The following CHSY1 variants were observed in gnomAD, a reference collection of about 807,000 sequenced individuals.
CHSY1 encodes the protein N-acetylgalactosaminyl-proteoglycan 3-beta-glucuronosyltransferase 1.
A neutral mutation model predicts 59.8 loss-of-function variants in CHSY1; 13 were observed. The observed-to-expected ratio is 0.22, with a 90% confidence interval of 0.14 to 0.35. CHSY1 has a LOEUF of 0.35. CHSY1 is among the 10% of genes least tolerant of loss of function. The pLI, the probability that CHSY1 is intolerant of heterozygous loss-of-function variation, is 1.00. For synonymous variants in CHSY1, 459 were observed against 401.2 expected (o/e 1.14, Z -1.72); for missense variants, 947 against 1,030.6 (o/e 0.92, Z 1.11).
intron 2 of CHSY1, among the ~76,000 whole-genome samples, chr15:101,228,911 T>C (rs1469538866): frequency 1.3e-5 from 2 of 152,350 alleles, no homozygotes; most frequent in African/African-American, 2.4e-5. Context: ...TAAATCTCTG[T>C]TGACTGGCAT....
intron 2 of CHSY1, among the ~76,000 whole-genome samples, chr15:101,179,685 T>G (rs1438344010): frequency 2.0e-5 from 3 of 152,220 alleles, no homozygotes; most frequent in Non-Finnish European, 2.9e-5. Flanking sequence ...GCACGGGGTC[T>G]CCGGCACCAG....
At position 101,251,306 on chromosome 15, in the gene CHSY1, C is replaced by T. The variant is rs1242714306; in HGVS notation, c.151G>A (p.Gly51Arg). ...CCGGCCTGGGAAGCCGCCGCCTGCC[C>T]GGACCGGCAGCCCTCGGGGCTGGCG... ...RRASPEGCRS[G>R]QAAASQAGGA... The change falls in exon 1 of 3, where the codon GGG becomes AGG. Residue 51 changes from glycine to arginine, a missense_variant. Around this residue, in one of 4 missense-constraint regions of CHSY1, gnomAD observed 232 missense variants for 188.5 expected, o/e 1.23. Coordinates refer to ENST00000254190, the MANE Select transcript of CHSY1 (RefSeq NM_014918.5). The T allele has an allele frequency of 1.7e-6, 2 of 1,171,780 alleles. No homozygotes were observed. The highest frequency in any genetic ancestry group is 4.6e-5 in the Admixed American group (1 of 21,832). The allele number at this position is 1,171,780 out of a possible 1,614,324, so 72.6% of individuals were successfully genotyped here.
At chr15:101,233,321 C>T (rs1439345065) in intron 2 of CHSY1, among the ~76,000 whole-genome samples, 3 of 152,120 alleles carry the variant, frequency 2.0e-5, no homozygotes, top group Non-Finnish European at 4.4e-5. Context: ...TATAACAGCA[C>T]GACCTAACTA....
chr15:101,236,522 A>G (rs1470522826), intron 1 of CHSY1, among the ~76,000 whole-genome samples: 1 of 152,178 alleles, frequency 6.6e-6, no homozygotes. Flanking sequence ...CTGTGAGTCC[A>G]TTAAACCTCT....
chr15:101,232,338 A>C (rs1403696688), intron 2 of CHSY1, among the ~76,000 whole-genome samples: 1 of 152,238 alleles, frequency 6.6e-6, no homozygotes, highest in Non-Finnish European at 1.5e-5. Flanking sequence ...CATCCACACG[A>C]AGGATTAATC....
At chr15:101,224,398 A>G (rs897874480) in intron 2 of CHSY1, among the ~76,000 whole-genome samples, 4 of 152,238 alleles carry the variant, frequency 2.6e-5, no homozygotes, top group African/African-American at 9.6e-5. Flanking sequence ...TACTTACTAG[A>G]AAGACCCAGG....
At chr15:101,179,717 G>A (rs2038250582) in intron 2 of CHSY1, among the ~76,000 whole-genome samples, 1 of 152,218 alleles carries the variant, frequency 6.6e-6, no homozygotes, top group Non-Finnish European at 1.5e-5. Flanking sequence ...GTGCCTGGGG[G>A]ATCAGAAAAT....
intron 1 of CHSY1, among the ~76,000 whole-genome samples, chr15:101,238,577 A>G (rs1345302769): frequency 6.6e-6 from 1 of 152,244 alleles, no homozygotes; most frequent in Non-Finnish European, 1.5e-5. Context: ...TGCCAATCAT[A>G]ATCCCATGAC....
chr15:101,221,881 A>G (rs907693926), intron 2 of CHSY1, among the ~76,000 whole-genome samples: 3 of 132,586 alleles, frequency 2.3e-5, no homozygotes, highest in African/African-American at 1.1e-4. Flanking sequence ...ATAGCTTTGT[A>G]CTTTTTTTTT....
chr15:101,244,758 T>C (rs1001799276), intron 1 of CHSY1, among the ~76,000 whole-genome samples: 33 of 152,226 alleles, frequency 2.2e-4, no homozygotes, highest in African/African-American at 8.0e-4. Context: ...GAACCTCTCC[T>C]CATGTCAATA....
chr15:101,202,742 A>G (rs6598435), intron 2 of CHSY1, among the ~76,000 whole-genome samples: 16,087 of 152,332 alleles, frequency 0.11, 912 homozygotes, highest in East Asian at 0.2. Context: ...AGGCTAACAT[A>G]TAAATAGTAG....
intron 2 of CHSY1, among the ~76,000 whole-genome samples, chr15:101,232,344 T>G (rs2141273588): frequency 6.6e-6 from 1 of 152,346 alleles, no homozygotes; most frequent in East Asian, 1.9e-4. Flanking sequence ...CACGAAGGAT[T>G]AATCTTACCT....
At chr15:101,251,050 G>A in intron 1 of CHSY1, 87 bp downstream of exon 1, 3 of 1,286,778 alleles carry the variant, frequency 2.3e-6, no homozygotes, top group Non-Finnish European at 3.2e-6. Context: ...TAGGAAGCGG[G>A]CGGAGGCGAG....
chr15:101,244,682 T>C (rs1159330427), intron 1 of CHSY1, among the ~76,000 whole-genome samples: 2 of 152,246 alleles, frequency 1.3e-5, no homozygotes, highest in African/African-American at 4.8e-5. Context: ...TTGTTTTACT[T>C]TAAACACAGA....
At position 101,235,212 on chromosome 15, in the gene CHSY1, C is replaced by T. The variant is rs757665488; in HGVS notation, c.686G>A (p.Arg229Gln). The T allele has an allele frequency of 2.8e-5, 45 of 1,613,770 alleles. No homozygotes were observed. The highest frequency in any genetic ancestry group is 1.2e-4 in the Admixed American group (7 of 59,996). ...CMGGPGVIMS[R>Q]EVLRRMVPHI... The stretch of plus-strand genomic sequence containing the variant: ...CGGCACCATTCTCCGAAGCACCTCC[C>T]GGCTCATGATCACGCCAGGCCCCCC... The change falls in exon 2 of 3, where the codon CGG becomes CAG. Residue 229 changes from arginine to glutamine, a missense_variant. Physicochemically the swap from Arg to Gln is conservative, Grantham distance 43 (BLOSUM62 1). Around this residue, in one of 4 missense-constraint regions of CHSY1, gnomAD observed 108 missense variants for 144.4 expected, o/e 0.75. Transcript: ENST00000254190.
At chr15:101,249,213 G>A (rs2039082467) in intron 1 of CHSY1, among the ~76,000 whole-genome samples, 1 of 151,986 alleles carries the variant, frequency 6.6e-6, no homozygotes, top group African/African-American at 2.4e-5. Context: ...GGGGAGATAA[G>A]GGAGTTACCT....
intron 1 of CHSY1, among the ~76,000 whole-genome samples, chr15:101,250,180 G>A (rs2039092297): frequency 6.6e-6 from 1 of 152,202 alleles, no homozygotes; most frequent in Admixed American, 6.5e-5. Flanking sequence ...CCAGACAACT[G>A]ATGCTCTAAA....
chr15:101,214,133 T>C (rs1422972101), intron 2 of CHSY1, among the ~76,000 whole-genome samples: 1 of 152,248 alleles, frequency 6.6e-6, no homozygotes. Context: ...AAACTGTTTC[T>C]GTGCTGTGTA....
At chr15:101,197,783 T>C (rs1313657108) in intron 2 of CHSY1, among the ~76,000 whole-genome samples, 1 of 152,204 alleles carries the variant, frequency 6.6e-6, no homozygotes, top group Non-Finnish European at 1.5e-5. Context: ...CCTATTTGAA[T>C]CTCAAATTAG....
Sources: allele counts gnomAD v4.1 joint callset (sites outside exome capture counted in the v4.1 genomes callset), GRCh38; gene constraint gnomAD v4.1.1; regional missense constraint gnomAD v4.1.1; transcripts MANE v1.5; gene names NCBI Gene and HGNC (gene_info 2026-07-23, HGNC 2026-07-21).